The following TNXB variants were observed in gnomAD, a reference collection of about 807,000 sequenced individuals.
TNXB encodes tenascin-X.
TNXB carries 183 observed loss-of-function variants against 340.5 expected under a neutral mutation model. The observed-to-expected ratio is 0.54, with a 90% CI of 0.48 to 0.61. The LOEUF (loss-of-function observed/expected upper bound fraction) is 0.61. Ranked by LOEUF, TNXB falls within the 20% of genes least tolerant of loss-of-function variation. The pLI, the probability that TNXB is intolerant of heterozygous loss-of-function variation, is 0.00. For synonymous variants in TNXB, 2,121 were observed against 2,314.5 expected, an observed-to-expected ratio of 0.92 and a Z score of 2.40; for missense variants, 4,613 against 5,446.4, an observed-to-expected ratio of 0.85 and a Z score of 4.82.
chr6:32,100,361 T>G (rs1780654456), intron 1 of TNXB, among the ~76,000 whole-genome samples: 1 of 152,142 alleles, frequency 6.6e-6, no homozygotes, highest in Non-Finnish European at 1.5e-5. Flanking sequence ...CGCCTCGGCT[T>G]CCCAAAGTGC....
rs982268839 is a variant in TNXB at position 32,075,356 on chromosome 6, A to T, written c.4376-1404T>A. On this transcript the variant is annotated intron_variant, in intron 11 of 43. Transcript: ENST00000644971. The surrounding 1 kb of genome is among the most constrained non-coding windows in gnomAD (Gnocchi z 4.6). ...ATTCCCTATTGCCTGCCCTCCTCCA[A>T]CTCCACCACAAAACATACTGCATTC... 6.6e-6 allele frequency among the ~76,000 whole-genome samples: 1 copy of T among 151,614 alleles called. No individual in the cohort carries two copies. The highest frequency in any genetic ancestry group is 1.5e-5 in the Non-Finnish European group (1 of 67,886).
At position 32,074,028 on chromosome 6, in the gene TNXB, T is replaced by A. The variant is rs1778938572; in HGVS notation, c.4376-76A>T. ...TAGTAATGATGTCTAGTTATTTATT[T>A]TTTATTTTTTATTTTTGAGATGGAG... On this transcript the variant is annotated intron_variant, in intron 11 of 43. Coordinates refer to ENST00000644971, the MANE Select transcript of TNXB (RefSeq NM_001365276.2). This position sits in a 1 kb window ranked among gnomAD's most constrained non-coding sequence, Gnocchi z 5.5. The A allele has an allele frequency of 7.8e-7, 1 of 1,290,052 alleles. No homozygotes were observed. The highest frequency in any genetic ancestry group is 2.6e-5 in the East Asian group (1 of 38,810). 79.9% of individuals were successfully genotyped at this position (1,290,052 alleles called of 1,614,324 possible).
Position 32,058,291 on chromosome 6 carries a change from G to A in TNXB, c.7592C>T (p.Thr2531Ile). The change falls in exon 22 of 44, where the codon ACA becomes ATA. Residue 2531 changes from threonine to isoleucine, a missense_variant. By Grantham distance (89) the Thr-to-Ile change is moderately conservative. Around this residue, in one of 7 missense-constraint regions of TNXB, gnomAD observed 4,327 missense variants for 4,859.4 expected, o/e 0.89. Coordinates refer to ENST00000644971, the MANE Select transcript of TNXB (RefSeq NM_001365276.2). The surrounding 1 kb of genome is among the most constrained non-coding windows in gnomAD (Gnocchi z 5.1). The part of the protein sequence containing the change: ...EEPLLGELTV[T>I]GSSPDSLSLS... ...GCTCAGCGAGTCAGGGGAGGATCCT[G>A]TCACTGTCAGCTCCCCCAGGAGAGG... is the stretch of plus-strand genomic sequence containing the variant. 2 of 1,612,344 alleles carry A rather than the reference G, an allele frequency of 1.2e-6. No individual in the cohort carries two copies. The highest frequency in any genetic ancestry group is 1.7e-6 in the Non-Finnish European group (2 of 1,179,840).
intron 21 of TNXB, among the ~76,000 whole-genome samples, chr6:32,059,246 C>T (rs1003524783): frequency 6.6e-6 from 1 of 151,014 alleles, no homozygotes; most frequent in Non-Finnish European, 1.5e-5. Flanking sequence ...TCATGAAACC[C>T]GGTCTCTACT....
chr6:32,087,884 T>TTTC lies in TNXB; in HGVS notation c.2779+900_2779+901insGAA, dbSNP rs1779884510. 1.1e-5 allele frequency: 4 copies of TTTC among 374,496 alleles called. No homozygotes were observed. The highest frequency in any genetic ancestry group is 1.6e-5 in the Non-Finnish European group (3 of 190,318). The allele number at this position is 374,496 out of a possible 1,614,324, so 23.2% of individuals were successfully genotyped here. A position where few individuals can be genotyped will look rare whatever the true frequency, so the allele number is the denominator to read the frequency against. On this transcript the variant is annotated intron_variant, in intron 6 of 43. Coordinates refer to ENST00000644971, the MANE Select transcript of TNXB (RefSeq NM_001365276.2). This position sits in a 1 kb window ranked among gnomAD's most constrained non-coding sequence, Gnocchi z 9.0. ...TCCTCCTCCCTTTCCTCTGCTGGCC[T>TTTC]CGAGGGCCAAGGGGGCCGTGGGGGC... is the stretch of plus-strand genomic sequence containing the variant.
rs752709537 is a variant in TNXB, at chr6:32,079,308, G to C, written c.4100C>G (p.Pro1367Arg). 1 of 1,612,588 alleles carries C rather than the reference G, an allele frequency of 6.2e-7. No individual in the cohort carries two copies. ...PSPTELGTEA[P>R]ESPEEPLLGE... ...CAGGAGCGGCTCCTCGGGGGACTCC[G>C]GGGCCTCCGTGCCCAGTTCTGTGGG... The change falls in exon 11 of 44, where the codon CCG becomes CGG. Residue 1367 changes from proline (P) to arginine (R), a missense_variant. Around this residue, in one of 7 missense-constraint regions of TNXB, gnomAD observed 4,327 missense variants for 4,859.4 expected, o/e 0.89. Coordinates refer to ENST00000644971, the MANE Select transcript of TNXB (RefSeq NM_001365276.2). The surrounding 1 kb of genome is among the most constrained non-coding windows in gnomAD (Gnocchi z 7.1).
Position 32,068,732 on chromosome 6 carries a change from G to A in TNXB, c.5903-25C>T. ...ACTGGACAGAGACATGGAAAGAGAGGACTGAGGTGGGCAGGGTATCCGCGG... is the reference window on the plus strand; with the variant it reads ...ACTGGACAGAGACATGGAAAGAGAGAACTGAGGTGGGCAGGGTATCCGCGG... On this transcript the variant is annotated intron_variant, in intron 16 of 43. Coordinates refer to ENST00000644971, the MANE Select transcript of TNXB (RefSeq NM_001365276.2). The surrounding 1 kb of genome is among the most constrained non-coding windows in gnomAD (Gnocchi z 5.3). 6.2e-7 allele frequency: 1 copy of A among 1,606,822 alleles called. No individual in the cohort carries two copies. Among genetic ancestry groups the A allele is most frequent in the South Asian group, 1.1e-5 (1 of 90,480 alleles).
rs1392169001 is a variant in TNXB, at chr6:32,075,571, C to A, written c.4376-1619G>T. ...CCCTACTAGGCTCTGCTTTTCCCCA[C>A]CACTCATCACTGTCACATCCGGTGC... On this transcript the variant is annotated intron_variant, in intron 11 of 43. Coordinates refer to ENST00000644971, the MANE Select transcript of TNXB (RefSeq NM_001365276.2). This position sits in a 1 kb window ranked among gnomAD's most constrained non-coding sequence, Gnocchi z 4.6. Among the ~76,000 whole-genome samples, 1 of 152,224 alleles carries A rather than the reference C, an allele frequency of 6.6e-6. No homozygotes were observed. The highest frequency in any genetic ancestry group is 1.5e-5 in the Non-Finnish European group (1 of 68,038).
chr6:32,091,906 AG>A (rs1235335258), intron 4 of TNXB, among the ~76,000 whole-genome samples: 1 of 152,172 alleles, frequency 6.6e-6, no homozygotes, highest in Non-Finnish European at 1.5e-5. Context: ...ACTAGACCCA[AG>A]CAAAAACTTC....
rs545364021 is a variant in TNXB, at chr6:32,056,656, T to C, written c.8073A>G (p.Lys2691=). ...VTISGLEPDH[K]YKMNLYGFHG... Reference sequence around the variant, plus strand: ...GGAAGCCGTACAGGTTCATCTTGTATTTATGGTCTGGCTCCAGGCCTGAGA... The same window carrying C: ...GGAAGCCGTACAGGTTCATCTTGTACTTATGGTCTGGCTCCAGGCCTGAGA... Residue 2691 remains lysine, a synonymous_variant, in exon 23 of 44, where the codon AAA becomes AAG. Coordinates refer to ENST00000644971, the MANE Select transcript of TNXB (RefSeq NM_001365276.2). 129 of 1,613,100 alleles carry C rather than the reference T, an allele frequency of 8.0e-5. No individual in the cohort carries two copies. The South Asian group carries it at 1.3e-3, about 16-fold the overall frequency.
rs1779586263 is a variant in TNXB at position 32,083,339 on chromosome 6, C to T, written c.3446-1013G>A. Reference sequence around the variant, plus strand: ...TCTTCCCCAACCCCACACGACTACTCTGGTGCCTCAATTCTCCTGACCTAT... The same window carrying T: ...TCTTCCCCAACCCCACACGACTACTTTGGTGCCTCAATTCTCCTGACCTAT... On this transcript the variant is annotated intron_variant, in intron 8 of 43. Coordinates refer to ENST00000644971, the MANE Select transcript of TNXB (RefSeq NM_001365276.2). The surrounding 1 kb of genome is among the most constrained non-coding windows in gnomAD (Gnocchi z 4.6). Among the ~76,000 whole-genome samples the T allele has an allele frequency of 6.6e-6, 1 of 152,174 alleles. No individual in the cohort carries two copies. Among genetic ancestry groups the T allele is most frequent in the African/African-American group, 2.4e-5 (1 of 41,426 alleles).
rs770516310 is a variant in TNXB at position 32,049,593 on chromosome 6, G to A, written c.9440-6C>T. ...GGGGCTGGGGGTCTCTTCCTCTGCA[G>A]TGGAGAAGGAGGGAGAGAGAGTGAG... On this transcript the variant is annotated splice_region_variant and splice_polypyrimidine_tract_variant and intron_variant, in intron 27 of 43. Coordinates refer to ENST00000644971, the MANE Select transcript of TNXB (RefSeq NM_001365276.2). The surrounding 1 kb of genome is among the most constrained non-coding windows in gnomAD (Gnocchi z 4.5). The A allele has an allele frequency of 1.2e-6, 2 of 1,609,020 alleles. No individual in the cohort carries two copies. The highest frequency in any genetic ancestry group is 1.7e-6 in the Non-Finnish European group (2 of 1,177,394).
In TNXB at chr6:32,048,653, G is replaced by A. The variant is rs1325933883; in HGVS notation, c.9758-3C>T. 1 of 1,466,882 alleles carries A rather than the reference G, an allele frequency of 6.8e-7. No individual in the cohort carries two copies. The highest frequency in any genetic ancestry group is 9.1e-7 in the Non-Finnish European group (1 of 1,103,640). The allele number at this position is 1,466,882 out of a possible 1,614,324, so 90.9% of individuals were successfully genotyped here. ...CGGCAGTGGTGTGGGCAGGGGCGCT[G>A]AAAAGAGCAGAGCAGGCCCATGGGT... On this transcript the variant is annotated splice_region_variant and splice_polypyrimidine_tract_variant and intron_variant, in intron 28 of 43. Transcript: ENST00000644971.
chr6:32,053,087 G>A, intron 25 of TNXB, 94 bp from the exon 26 acceptor site: 1 of 1,352,720 alleles, frequency 7.4e-7, no homozygotes, highest in Non-Finnish European at 1.0e-6. Context: ...CCATGAGTGG[G>A]GGTCCTGGGG....
intron 1 of TNXB, among the ~76,000 whole-genome samples, chr6:32,099,291 T>C (rs1257026012): frequency 6.6e-6 from 1 of 151,072 alleles, no homozygotes; most frequent in East Asian, 1.9e-4. Context: ...TGGAGTGCAG[T>C]GGTGCGATCT....
In TNXB at chr6:32,081,638, A is replaced by T; in HGVS notation, c.3772T>A (p.Phe1258Ile). Reference sequence around the variant, plus strand: ...TCCCCCAGGAGGGGCTGCTCCAGGAACTCAGGGCGGGGGGGCTCCTCTTTC... The same window carrying T: ...TCCCCCAGGAGGGGCTGCTCCAGGATCTCAGGGCGGGGGGGCTCCTCTTTC... ...ERKEEPPRPE[F>I]LEQPLLGELT... Residue 1258 changes from phenylalanine to isoleucine, a missense_variant, in exon 10 of 44, where the codon TTC becomes ATC. Around this residue, in one of 7 missense-constraint regions of TNXB, gnomAD observed 4,327 missense variants for 4,859.4 expected, o/e 0.89. Coordinates refer to ENST00000644971, the MANE Select transcript of TNXB (RefSeq NM_001365276.2). This position sits in a 1 kb window ranked among gnomAD's most constrained non-coding sequence, Gnocchi z 5.1. 1.3e-6 allele frequency: 2 copies of T among 1,595,666 alleles called. No individual in the cohort carries two copies. The highest frequency in any genetic ancestry group is 1.7e-6 in the Non-Finnish European group (2 of 1,171,720).
At position 32,080,178 on chromosome 6, in the gene TNXB, A is replaced by G. The variant is rs1779354087; in HGVS notation, c.4043-813T>C. 6.6e-6 allele frequency among the ~76,000 whole-genome samples: 1 copy of G among 151,694 alleles called. No individual in the cohort carries two copies. Among genetic ancestry groups the G allele is most frequent in the South Asian group, 2.1e-4 (1 of 4,798 alleles). On this transcript the variant is annotated intron_variant, in intron 10 of 43. Coordinates refer to ENST00000644971, the MANE Select transcript of TNXB (RefSeq NM_001365276.2). The surrounding 1 kb of genome is among the most constrained non-coding windows in gnomAD (Gnocchi z 4.3). ...CTGAAAATGCTTTGCTGCTCCAAGC[A>G]CTATTCTAAGTGTGTGGGCTTTTTT...
chr6:32,068,867 T>C lies in TNXB; in HGVS notation c.5857A>G (p.Ser1953Gly). The change falls in exon 16 of 44, where the codon AGT (serine) becomes GGT (glycine). Residue 1953 changes from serine (S) to glycine (G), a missense_variant. Transcript: ENST00000644971. This position sits in a 1 kb window ranked among gnomAD's most constrained non-coding sequence, Gnocchi z 5.3. ...HRYLVTLYGF[S>G]DGKHVGPVHV... ...ACAGGACCTACATGCTTCCCATCAC[T>C]GAAACCATACAGGGTCACCAGGTAT... is the stretch of plus-strand genomic sequence containing the variant. 1 of 1,612,016 alleles carries C rather than the reference T, an allele frequency of 6.2e-7. No homozygotes were observed.
In TNXB at chr6:32,074,152, G is replaced by T. The variant is rs541417974; in HGVS notation, c.4376-200C>A. Among the ~76,000 whole-genome samples, 1 of 152,290 alleles carries T rather than the reference G, an allele frequency of 6.6e-6. No individual in the cohort carries two copies. Among genetic ancestry groups the T allele is most frequent in the Admixed American group, 6.5e-5 (1 of 15,306 alleles). On this transcript the variant is annotated intron_variant, in intron 11 of 43. Coordinates refer to ENST00000644971, the MANE Select transcript of TNXB (RefSeq NM_001365276.2). This position sits in a 1 kb window ranked among gnomAD's most constrained non-coding sequence, Gnocchi z 5.5. ...CTGCCTTAGCCTCCCAAGTAGCTGG[G>T]ACTACAGGCGTGCGCCACCATGCCT... is the stretch of plus-strand genomic sequence containing the variant.
Sources: gnomAD v4.1 joint callset for allele counts (sites outside exome capture counted in the v4.1 genomes callset) on GRCh38, gnomAD v4.1.1 for gene constraint, gnomAD v4.1.1 regional missense constraint, Gnocchi (gnomAD v3.1) non-coding constraint, MANE v1.5 for transcripts, NCBI Gene and HGNC (gene_info 2026-07-23, HGNC 2026-07-21) for gene names.